ST6GALNAC2: variants seen among roughly 807,000 people sequenced by gnomAD.
The protein encoded by ST6GALNAC2 is alpha-N-acetylgalactosaminide alpha-2,6-sialyltransferase 2.
ST6GALNAC2 carries 42 observed loss-of-function variants against 38.7 expected under a neutral mutation model. The observed-to-expected ratio is 1.09, with a 90% CI of 0.85 to 1.40. The LOEUF (loss-of-function observed/expected upper bound fraction) is 1.40. ST6GALNAC2 is among the 40% of genes most tolerant of loss of function. The pLI is 0.00. For missense variants in ST6GALNAC2, 506 were observed against 481.7 expected, an observed-to-expected ratio of 1.05 and a Z score of -0.47; for synonymous variants, 233 against 209.0, an observed-to-expected ratio of 1.11 and a Z score of -0.99.
chr17:76,572,920 A>G (rs2075369530), intron 4 of ST6GALNAC2, 145 bp from the exon 5 acceptor site: 4 of 1,073,130 alleles, frequency 3.7e-6, no homozygotes, highest in Non-Finnish European at 4.1e-6. Flanking sequence ...CCAGTTGTCA[A>G]CCAGACCCCC....
Position 76,571,609 on chromosome 17 carries a change from T to A in ST6GALNAC2, c.670-941A>T, listed in dbSNP as rs1347356811. Among the ~76,000 whole-genome samples, 3 of 152,100 alleles carry A rather than the reference T, an allele frequency of 2.0e-5. No homozygotes were observed. In the East Asian group the frequency reaches 5.8e-4, roughly 29 times the overall value. On this transcript the variant is annotated intron_variant, in intron 5 of 8. Coordinates refer to ENST00000225276, the MANE Select transcript of ST6GALNAC2 (RefSeq NM_006456.3). ...ACTCCGTCTCAAAACAAAACAAAAG[T>A]CTAAAGCTGCTCTATTTTGTTCCAC...
Position 76,573,310 on chromosome 17 carries a change from C to T in ST6GALNAC2, c.415G>A (p.Ala139Thr), listed in dbSNP as rs1303168647. Residue 139 changes from alanine (A) to threonine (T), a missense_variant, in exon 4 of 9, where the codon GCC becomes ACC. Transcript: ENST00000225276. This position sits in a 1 kb window ranked among gnomAD's most constrained non-coding sequence, Gnocchi z 5.1. ...LNGSESAKLF[A>T]PPRDTPPKCI... ...TTTGGAGGGGTGTCCCTGGGCGGGG[C>T]AAACAGCTTGGCACTCTCTGAGCCG... 6.3e-7 allele frequency: 1 copy of T among 1,590,434 alleles called. No individual in the cohort carries two copies.
At chr17:76,580,187 G>T (rs372890005) in intron 1 of ST6GALNAC2, among the ~76,000 whole-genome samples, 1 of 152,170 alleles carries the variant, frequency 6.6e-6, no homozygotes, top group African/African-American at 2.4e-5. Context: ...TTGGGAGACC[G>T]AGGTGGGTGG....
intron 8 of ST6GALNAC2, 95 bp from the exon 9 acceptor site, chr17:76,566,366 T>C (rs569463578): frequency 7.4e-7 from 1 of 1,349,474 alleles, no homozygotes; most frequent in South Asian, 1.3e-5. Context: ...GGTGTCCGTC[T>C]GCTGAGGTGA....
chr17:76,574,927 C>T lies in ST6GALNAC2; in HGVS notation c.187-388G>A, dbSNP rs547816943. 1.0e-3 allele frequency among the ~76,000 whole-genome samples: 157 copies of T among 152,198 alleles called. 1 individual carries two copies. The highest frequency in any genetic ancestry group is 6.8e-3 in the Middle Eastern group (2 of 294). On this transcript the variant is annotated intron_variant, in intron 2 of 8. Transcript: ENST00000225276. ...TCCTGACCTCGTGATCCACCCGCCT[C>T]GGCCTCCCAAAGTGCTGGGATTACA...
In ST6GALNAC2 at chr17:76,565,853, C is replaced by T. The variant is rs2075274258; in HGVS notation, c.*251G>A. The T allele has an allele frequency of 2.4e-6, 1 of 423,436 alleles. No individual in the cohort carries two copies. Among genetic ancestry groups the T allele is most frequent in the Admixed American group, 4.1e-5 (1 of 24,670 alleles). 26.2% of individuals were successfully genotyped at this position (423,436 alleles called of 1,614,324 possible). On this transcript the variant is annotated 3_prime_UTR_variant, in exon 9 of 9. Transcript: ENST00000225276. ...TTTCCTAAAGTTGCTCAGTGCCAAT[C>T]CAGCAAAGCAGTCCATTTTCCCTTG... is the stretch of plus-strand genomic sequence containing the variant.
At chr17:76,576,913 T>C (rs1464541609) in intron 2 of ST6GALNAC2, among the ~76,000 whole-genome samples, 1 of 145,990 alleles carries the variant, frequency 6.8e-6, no homozygotes, top group Non-Finnish European at 1.5e-5. Context: ...GAGGTTGCAG[T>C]GAGCCAAGAT....
intron 1 of ST6GALNAC2, among the ~76,000 whole-genome samples, chr17:76,582,863 G>C (rs540449200): frequency 8.5e-5 from 13 of 152,310 alleles, no homozygotes; most frequent in African/African-American, 2.9e-4. Flanking sequence ...CCACAGCAAG[G>C]CTGAGTCCTG....
intron 6 of ST6GALNAC2, chr17:76,570,002 C>G (rs2075334971): frequency 6.0e-6 from 1 of 166,594 alleles, no homozygotes; most frequent in South Asian, 2.0e-4. Flanking sequence ...CTCAAGAGAG[C>G]TGGACCCAGG....
At position 76,567,200 on chromosome 17, in the gene ST6GALNAC2, A is replaced by G. The variant is rs542726618; in HGVS notation, c.957+253T>C. ...AGAGTGAAAGAAGGAAGCCTGGGGC[A>G]GGTGTCAGGAGCCAAGGCAAGCCTG... is the stretch of plus-strand genomic sequence containing the variant. On this transcript the variant is annotated intron_variant, in intron 8 of 8. Coordinates refer to ENST00000225276, the MANE Select transcript of ST6GALNAC2 (RefSeq NM_006456.3). Among the ~76,000 whole-genome samples the G allele has an allele frequency of 1.8e-4, 27 of 152,286 alleles. 1 individual carries two copies. Among genetic ancestry groups the G allele is most frequent in the Admixed American group, 1.4e-3 (21 of 15,294 alleles).
chr17:76,568,550 A>C, intron 7 of ST6GALNAC2, 163 bp downstream of exon 7: 1 of 658,784 alleles, frequency 1.5e-6, no homozygotes, highest in South Asian at 1.8e-5. Context: ...GCTAAATAAA[A>C]CAGTAAATGA....
At chr17:76,566,427 A>AG (rs1230564653) in intron 8 of ST6GALNAC2, among the ~76,000 whole-genome samples, 156 bp from the exon 9 acceptor site, 18 of 152,172 alleles carry the variant, frequency 1.2e-4, no homozygotes, top group Non-Finnish European at 2.4e-4. Context: ...AGATGGATTC[A>AG]GGGGTGACTC....
chr17:76,566,363 G>T, intron 8 of ST6GALNAC2, 92 bp from the exon 9 acceptor site: 2 of 1,346,266 alleles, frequency 1.5e-6, no homozygotes, highest in Non-Finnish European at 2.1e-6. Flanking sequence ...AAAGGTGTCC[G>T]TCTGCTGAGG....
intron 6 of ST6GALNAC2, chr17:76,570,195 G>A (rs566817567): frequency 4.9e-5 from 12 of 246,580 alleles, no homozygotes; most frequent in South Asian, 1.2e-4. Flanking sequence ...GTGGGACAGC[G>A]GACCCAGCCC....
intron 3 of ST6GALNAC2, among the ~76,000 whole-genome samples, chr17:76,574,094 T>C (rs1011053606): frequency 6.6e-6 from 1 of 152,154 alleles, no homozygotes; most frequent in African/African-American, 2.4e-5. Flanking sequence ...TTGGCCACCA[T>C]TGGACGCTGC....
intron 1 of ST6GALNAC2, among the ~76,000 whole-genome samples, chr17:76,582,992 A>G (rs545031902): frequency 6.6e-6 from 1 of 152,334 alleles, no homozygotes; most frequent in Non-Finnish European, 1.5e-5. Flanking sequence ...TTAAAAAAGC[A>G]TTGTTGCATT....
chr17:76,584,193 CTT>C (rs55780682), intron 1 of ST6GALNAC2, among the ~76,000 whole-genome samples: 7 of 137,192 alleles, frequency 5.1e-5, no homozygotes, highest in African/African-American at 1.7e-4. Flanking sequence ...TCACCTCGAA[CTT>C]TTTTTTTTTT....
chr17:76,572,527 C>T (rs1247632356), intron 5 of ST6GALNAC2, 110 bp downstream of exon 5: 11 of 1,328,732 alleles, frequency 8.3e-6, no homozygotes, highest in Middle Eastern at 2.0e-4. Flanking sequence ...CTGGCACCCC[C>T]TCAGCATCCA....
At chr17:76,577,574 T>C (rs1399568027) in intron 2 of ST6GALNAC2, among the ~76,000 whole-genome samples, 1 of 92,182 alleles carries the variant, frequency 1.1e-5, no homozygotes, top group Non-Finnish European at 2.1e-5. Flanking sequence ...GGCCTCTGTA[T>C]TTTTTTTTTT....
Sources: gnomAD v4.1 joint callset for allele counts (sites outside exome capture counted in the v4.1 genomes callset) on GRCh38, gnomAD v4.1.1 for gene constraint, Gnocchi (gnomAD v3.1) non-coding constraint, MANE v1.5 for transcripts, NCBI Gene and HGNC (gene_info 2026-07-23, HGNC 2026-07-21) for gene names.